The following NPLOC4 variants were observed in gnomAD, a reference collection of about 807,000 sequenced individuals.
NPLOC4 encodes the protein nuclear protein localization protein 4 homolog.
A neutral mutation model predicts 80.6 loss-of-function variants in NPLOC4; 18 were observed. The observed-to-expected ratio is 0.22, with a 90% confidence interval of 0.15 to 0.33. The LOEUF (loss-of-function observed/expected upper bound fraction) is 0.33. Ranked by LOEUF, NPLOC4 falls within the 10% of genes least tolerant of loss-of-function variation. The probability of loss-of-function intolerance (pLI) is 1.00; values close to 1 mark genes in which losing one functional copy is unlikely to be tolerated. For missense variants in NPLOC4, 540 were observed against 786.1 expected, an observed-to-expected ratio of 0.69 and a Z score of 3.74; for synonymous variants, 313 against 301.5, an observed-to-expected ratio of 1.04 and a Z score of -0.39.
intron 12 of NPLOC4, among the ~76,000 whole-genome samples, chr17:81,576,537 T>C (rs764228708): frequency 5.3e-5 from 8 of 152,152 alleles, no homozygotes; most frequent in Non-Finnish European, 1.2e-4. Context: ...GGGGCAATTG[T>C]ACTTCCAAAG....
At chr17:81,584,258 C>G (rs917700394) in intron 12 of NPLOC4, among the ~76,000 whole-genome samples, 4 of 152,204 alleles carry the variant, frequency 2.6e-5, no homozygotes, top group Non-Finnish European at 4.4e-5. Context: ...TCAAATCCTA[C>G]AGGGCTATAA....
chr17:81,584,038 A>T (rs7405646), intron 12 of NPLOC4, among the ~76,000 whole-genome samples: 1 of 152,050 alleles, frequency 6.6e-6, no homozygotes, highest in Non-Finnish European at 1.5e-5. Flanking sequence ...CCCTTGGGAC[A>T]GGGCTTTTCA....
intron 9 of NPLOC4, among the ~76,000 whole-genome samples, chr17:81,599,327 C>G (rs547153325): frequency 6.6e-6 from 1 of 152,162 alleles, no homozygotes; most frequent in South Asian, 2.1e-4. Context: ...AAACTTGTGT[C>G]TTGCAGAAAA....
chr17:81,606,742 C>T lies in NPLOC4; in HGVS notation c.603G>A (p.Pro201=), dbSNP rs374991652. ...GCTGGCACTTAGTACAGATGCCATTCGGCCACGGGAGGTGCCCCTCGCACC... is the reference window on the plus strand; with the variant it reads ...GCTGGCACTTAGTACAGATGCCATTTGGCCACGGGAGGTGCCCCTCGCACC... ...KSGCEGHLPW[P]NGICTKCQPS... Residue 201 remains proline (P), a synonymous_variant, in exon 7 of 17, where the codon CCG becomes CCA. Coordinates refer to ENST00000331134, the MANE Select transcript of NPLOC4 (RefSeq NM_017921.4). 124 of 1,613,724 alleles carry T rather than the reference C, an allele frequency of 7.7e-5. No individual in the cohort carries two copies. In the South Asian group the frequency reaches 1.1e-3, roughly 14 times the overall value.
intron 12 of NPLOC4, among the ~76,000 whole-genome samples, chr17:81,576,844 C>T (rs1048451137): frequency 6.6e-6 from 1 of 152,172 alleles, no homozygotes; most frequent in African/African-American, 2.4e-5. Context: ...CTGGTCCTTG[C>T]CAGAGTCACG....
In NPLOC4 at chr17:81,613,361, T is replaced by C. The variant is rs1257766077; in HGVS notation, c.343A>G (p.Ser115Gly). The C allele has an allele frequency of 5.0e-6, 8 of 1,614,002 alleles. No homozygotes were observed. Residue 115 changes from serine to glycine, a missense_variant, in exon 4 of 17, where the codon AGC becomes GGC. Around this residue, in one of 6 missense-constraint regions of NPLOC4, gnomAD observed 74 missense variants for 75.7 expected, o/e 0.98. Coordinates refer to ENST00000331134, the MANE Select transcript of NPLOC4 (RefSeq NM_017921.4). ...VVEDEIDQYL[S>G]KQDGKIYRSR... The stretch of plus-strand genomic sequence containing the variant: ...CTGTAAATCTTCCCGTCCTGTTTGC[T>C]GAGGTACTGATCAATCTCATCCTCC...
chr17:81,576,529 G>A (rs2034307709), intron 12 of NPLOC4, among the ~76,000 whole-genome samples: 1 of 152,058 alleles, frequency 6.6e-6, no homozygotes, highest in Non-Finnish European at 1.5e-5. Flanking sequence ...TCAACTGAGG[G>A]GCAATTGTAC....
chr17:81,629,976 G>A, intron 1 of NPLOC4, 171 bp from the exon 2 acceptor site: 1 of 570,198 alleles, frequency 1.8e-6, no homozygotes. Context: ...ATGCCGAGGG[G>A]TGAGATTCAT....
intron 11 of NPLOC4, among the ~76,000 whole-genome samples, chr17:81,594,083 C>A (rs1216293087): frequency 6.6e-6 from 1 of 151,688 alleles, no homozygotes; most frequent in Admixed American, 6.6e-5. Context: ...ACCATCCTGG[C>A]TAACACGGTG....
At chr17:81,569,921 G>C (rs2034116492) in intron 13 of NPLOC4, among the ~76,000 whole-genome samples, 1 of 152,236 alleles carries the variant, frequency 6.6e-6, no homozygotes, top group African/African-American at 2.4e-5. Context: ...GCAGCACCGA[G>C]TTGAGTTGAT....
intron 12 of NPLOC4, among the ~76,000 whole-genome samples, chr17:81,579,651 G>A (rs1427064479): frequency 6.6e-6 from 1 of 152,020 alleles, no homozygotes; most frequent in African/African-American, 2.4e-5. Context: ...CCCCAAAGCT[G>A]TCCCTGACAC....
At chr17:81,562,482 T>C (rs1045965421) in intron 16 of NPLOC4, 2 of 152,094 alleles carry the variant, frequency 1.3e-5, no homozygotes, top group African/African-American at 4.8e-5. Flanking sequence ...GAGGCTGCAG[T>C]GAGCTGAGAT....
rs187262050 is a variant in NPLOC4 at position 81,611,699 on chromosome 17, C to T, written c.387-1441G>A. ...AATAGGCCAGGTGTGGTGGCTTGCGCCCTGTAATCCCAGCACTTTGGGAGG... is the reference window on the plus strand; with the variant it reads ...AATAGGCCAGGTGTGGTGGCTTGCGTCCTGTAATCCCAGCACTTTGGGAGG... On this transcript the variant is annotated intron_variant, in intron 4 of 16. Coordinates refer to ENST00000331134, the MANE Select transcript of NPLOC4 (RefSeq NM_017921.4). 5.0e-4 allele frequency among the ~76,000 whole-genome samples: 76 copies of T among 151,866 alleles called. No homozygotes were observed. In the East Asian group the frequency reaches 0.014, roughly 28 times the overall value.
rs1455425843 is a variant in NPLOC4, at chr17:81,579,354, G to C, written c.1282-7266C>G. Among the ~76,000 whole-genome samples, 3 of 152,194 alleles carry C rather than the reference G, an allele frequency of 2.0e-5. No individual in the cohort carries two copies. In the East Asian group the frequency reaches 5.8e-4, roughly 29 times the overall value. ...GATCGTGCCATTGCACATCACCCTA[G>C]GTGACAGAGCGAGACTCCATCTCAA... On this transcript the variant is annotated intron_variant, in intron 12 of 16. Transcript: ENST00000331134.
intron 4 of NPLOC4, among the ~76,000 whole-genome samples, chr17:81,611,639 T>C (rs886367824): frequency 9.2e-5 from 14 of 151,424 alleles, no homozygotes; most frequent in African/African-American, 2.9e-4. Context: ...TGTGAGCAAC[T>C]GCGCCTGGCC....
chr17:81,615,756 G>A (rs1173238145), intron 3 of NPLOC4, among the ~76,000 whole-genome samples: 8 of 152,140 alleles, frequency 5.3e-5, no homozygotes, highest in Admixed American at 2.6e-4. Flanking sequence ...ACCAAAGGAC[G>A]CCTGAACAGC....
chr17:81,616,332 A>AG (rs2035485624), intron 3 of NPLOC4, among the ~76,000 whole-genome samples: 1 of 146,586 alleles, frequency 6.8e-6, no homozygotes, highest in Non-Finnish European at 1.5e-5. Context: ...AAAAAAAAAA[A>AG]AAAAAAGAAA....
intron 3 of NPLOC4, among the ~76,000 whole-genome samples, chr17:81,618,954 T>C (rs1232460191): frequency 1.3e-5 from 2 of 152,054 alleles, no homozygotes; most frequent in Admixed American, 6.6e-5. Context: ...CAGGGTTAAA[T>C]GGATTAAGGG....
intron 4 of NPLOC4, chr17:81,613,087 T>C (rs2035385843): frequency 2.3e-6 from 1 of 426,422 alleles, no homozygotes; most frequent in African/African-American, 2.1e-5. Flanking sequence ...TTCAAAATTT[T>C]TTATGGGAAC....
Sources: gnomAD v4.1 joint callset for allele counts (sites outside exome capture counted in the v4.1 genomes callset) on GRCh38, gnomAD v4.1.1 for gene constraint, gnomAD v4.1.1 regional missense constraint, MANE v1.5 for transcripts, NCBI Gene and HGNC (gene_info 2026-07-23, HGNC 2026-07-21) for gene names.